NEK4: variants seen among roughly 807,000 people sequenced by gnomAD.
NEK4 encodes NIMA related kinase 4, also known as serine/threonine-protein kinase Nek4.
In NEK4, 86 loss-of-function variants were observed where a neutral mutation model predicts 98.4. That is an observed-to-expected ratio of 0.87 (90% confidence interval 0.73 to 1.05). The LOEUF (loss-of-function observed/expected upper bound fraction) is 1.05. NEK4 is among the 50% of genes least tolerant of loss of function. The pLI is 0.00. For missense variants in NEK4, 898 were observed against 950.3 expected (o/e 0.94, Z 0.72); for synonymous variants, 328 against 342.2 (o/e 0.96, Z 0.46).
intron 8 of NEK4, 116 bp from the exon 9 acceptor site, chr3:52,747,020 T>A (rs2097397388): frequency 1.4e-6 from 1 of 738,500 alleles, no homozygotes; most frequent in Non-Finnish European, 2.2e-6. Flanking sequence ...CTTTCCTCAG[T>A]TTTAAAAACT....
At chr3:52,739,750 C>T in intron 13 of NEK4, 116 bp from the exon 14 acceptor site, 1 of 814,252 alleles carries the variant, frequency 1.2e-6, no homozygotes, top group Non-Finnish European at 2.0e-6. Context: ...CAAGTAAGTT[C>T]CTACAGACTG....
chr3:52,740,605 C>T (rs1386099458), intron 13 of NEK4, among the ~76,000 whole-genome samples: 1 of 151,780 alleles, frequency 6.6e-6, no homozygotes, highest in Non-Finnish European at 1.5e-5. Context: ...CGAGACCAGC[C>T]TTGCCAATAT....
intron 15 of NEK4, among the ~76,000 whole-genome samples, chr3:52,715,002 T>C (rs2097353843): frequency 6.6e-6 from 1 of 152,174 alleles, no homozygotes; most frequent in South Asian, 2.1e-4. Flanking sequence ...CCTGCACGTG[T>C]ACCGTGGCAT....
Position 52,744,219 on chromosome 3 carries a change from A to G in NEK4, c.1894+20T>C. The G allele has an allele frequency of 2.5e-6, 4 of 1,595,416 alleles. No individual in the cohort carries two copies. The highest frequency in any genetic ancestry group is 3.4e-6 in the Non-Finnish European group (4 of 1,162,976). ...ATACCCCTAACTGCCAATTAGATGA[A>G]GAAAAGAAGTCAACTTTACCTGAAG... On this transcript the variant is annotated intron_variant, in intron 11 of 15. Transcript: ENST00000233027.
At chr3:52,747,891 G>A (rs1333215525) in intron 8 of NEK4, among the ~76,000 whole-genome samples, 1 of 151,978 alleles carries the variant, frequency 6.6e-6, no homozygotes, top group African/African-American at 2.4e-5. Flanking sequence ...GCTACCATGA[G>A]CTGTGATCAT....
intron 10 of NEK4, among the ~76,000 whole-genome samples, chr3:52,745,624 T>C (rs550129247): frequency 6.6e-6 from 1 of 152,210 alleles, no homozygotes; most frequent in East Asian, 1.9e-4. Flanking sequence ...TCCCATCTGT[T>C]CCTTCCAGTG....
At chr3:52,742,423 A>C (rs2097387979) in intron 12 of NEK4, among the ~76,000 whole-genome samples, 1 of 152,110 alleles carries the variant, frequency 6.6e-6, no homozygotes, top group African/African-American at 2.4e-5. Context: ...ATCACCTAAA[A>C]ATACACATAA....
intron 12 of NEK4, among the ~76,000 whole-genome samples, chr3:52,741,926 C>T (rs562460746): frequency 1.3e-5 from 2 of 151,992 alleles, no homozygotes; most frequent in African/African-American, 4.8e-5. Flanking sequence ...ATTACAGGCA[C>T]GTGCCGCAAC....
At position 52,762,886 on chromosome 3, in the gene NEK4, A is replaced by C. The variant is rs564779987; in HGVS notation, c.821+584T>G. ...ACACAGCAAGACTCCATCTCAAAAAAAAACAAACAAAAAAAAGTAAGTGCA... is the reference window on the plus strand; with the variant it reads ...ACACAGCAAGACTCCATCTCAAAAACAAACAAACAAAAAAAAGTAAGTGCA... On this transcript the variant is annotated intron_variant, in intron 5 of 15. Coordinates refer to ENST00000233027, the MANE Select transcript of NEK4 (RefSeq NM_003157.6). Among the ~76,000 whole-genome samples the C allele has an allele frequency of 1.1e-3, 166 of 152,264 alleles. 1 individual carries two copies. The highest frequency in any genetic ancestry group is 1.3e-3 in the Non-Finnish European group (87 of 68,020).
intron 15 of NEK4, among the ~76,000 whole-genome samples, chr3:52,737,188 C>T (rs2097377489): frequency 1.3e-5 from 2 of 152,074 alleles, no homozygotes; most frequent in Non-Finnish European, 2.9e-5. Flanking sequence ...AGGTGATCCA[C>T]CCACCTCAGC....
In NEK4 at chr3:52,737,569, G is replaced by A; in HGVS notation, c.2433+17C>T. The A allele has an allele frequency of 6.2e-7, 1 of 1,613,312 alleles. No individual in the cohort carries two copies. The highest frequency in any genetic ancestry group is 1.1e-5 in the South Asian group (1 of 91,054). On this transcript the variant is annotated intron_variant, in intron 15 of 15. Transcript: ENST00000233027. ...TCTATAACATAAGCATCTTGATACA[G>A]TTAATGAGACACTCACCTCTCTATC...
At chr3:52,753,934 C>T in intron 6 of NEK4, 2 of 304,690 alleles carry the variant, frequency 6.6e-6, no homozygotes, top group Non-Finnish European at 1.3e-5. Context: ...CTTTGAGAGT[C>T]CGAGGCGGTG....
At chr3:52,723,341 G>A (rs1469488897) in intron 15 of NEK4, among the ~76,000 whole-genome samples, 1 of 152,046 alleles carries the variant, frequency 6.6e-6, no homozygotes, top group Non-Finnish European at 1.5e-5. Flanking sequence ...TCCATCTCCC[G>A]GGTTCAAGCG....
chr3:52,750,002 A>G (rs2097402477), intron 7 of NEK4, among the ~76,000 whole-genome samples, 173 bp from the exon 8 acceptor site: 1 of 152,214 alleles, frequency 6.6e-6, no homozygotes, highest in Non-Finnish European at 1.5e-5. Context: ...GCTGGCAGAA[A>G]TAAAATTATA....
intron 15 of NEK4, chr3:52,734,748 G>C (rs1578643296): frequency 1.0e-5 from 2 of 200,072 alleles, no homozygotes; most frequent in East Asian, 2.7e-4. Context: ...CATCCCACCA[G>C]TGGCCAAGTC....
chr3:52,763,318 T>C, intron 5 of NEK4, 152 bp downstream of exon 5: 2 of 682,160 alleles, frequency 2.9e-6, no homozygotes, highest in Non-Finnish European at 4.8e-6. Flanking sequence ...CCTAAGAGGG[T>C]AGAATTTTGC....
At chr3:52,716,847 A>G (rs1320211055) in intron 15 of NEK4, among the ~76,000 whole-genome samples, 2 of 152,220 alleles carry the variant, frequency 1.3e-5, no homozygotes. Context: ...ATCATGACCA[A>G]CTGCCACCTT....
At chr3:52,770,489 C>T (rs1221174206) in intron 1 of NEK4, among the ~76,000 whole-genome samples, 165 bp downstream of exon 1, 1 of 149,728 alleles carries the variant, frequency 6.7e-6, no homozygotes, top group East Asian at 2.0e-4. Flanking sequence ...GTTCTGGGCG[C>T]ATATTACAGG....
intron 6 of NEK4, among the ~76,000 whole-genome samples, chr3:52,752,656 T>G (rs1438940918): frequency 6.6e-6 from 1 of 151,536 alleles, no homozygotes; most frequent in Non-Finnish European, 1.5e-5. Context: ...TCCCAGCAGT[T>G]TGGGAGGCCA....
Sources: allele counts gnomAD v4.1 joint callset (sites outside exome capture counted in the v4.1 genomes callset), GRCh38; gene constraint gnomAD v4.1.1; transcripts MANE v1.5; gene names NCBI Gene and HGNC (gene_info 2026-07-23, HGNC 2026-07-21).